HERC2: variants seen among roughly 807,000 people sequenced by gnomAD.
HERC2 encodes the protein E3 ubiquitin-protein ligase HERC2.
Under a neutral mutation model 537.7 loss-of-function variants are expected in HERC2, and 102 were observed. That is an observed-to-expected ratio of 0.19 (90% CI 0.16 to 0.22). The LOEUF is 0.22. Ranked by LOEUF, HERC2 falls within the 10% of genes least tolerant of loss-of-function variation. The pLI, the probability that HERC2 is intolerant of heterozygous loss-of-function variation, is 1.00. For missense variants in HERC2, 4,236 were observed against 6,198.2 expected, an observed-to-expected ratio of 0.68 and a Z score of 10.63; for synonymous variants, 2,224 against 2,466.2, an observed-to-expected ratio of 0.90 and a Z score of 2.91.
At chr15:28,283,911 C>G (rs1287503176) in intron 4 of HERC2, among the ~76,000 whole-genome samples, 2 of 151,996 alleles carry the variant, frequency 1.3e-5, no homozygotes, top group Non-Finnish European at 2.9e-5. Context: ...ACAAGTGTTC[C>G]AAATTTCAGA....
In HERC2 at chr15:28,284,433, T is replaced by G. The variant is rs547859384; in HGVS notation, c.323-4146A>C. On this transcript the variant is annotated intron_variant, in intron 4 of 92. Transcript: ENST00000261609. ...TTAAATTAAATGTAAACAGTCTAAA[T>G]GCATCAATTAAAAGACACCAGGAGA... 2.6e-5 allele frequency among the ~76,000 whole-genome samples: 4 copies of G among 152,088 alleles called. No individual in the cohort carries two copies. The East Asian group carries it at 7.7e-4, about 29-fold the overall frequency.
Position 28,174,539 on chromosome 15 carries a change from C to A in HERC2, c.9913G>T (p.Gly3305Cys). The A allele has an allele frequency of 6.2e-7, 1 of 1,613,998 alleles. No homozygotes were observed. Among genetic ancestry groups the A allele is most frequent in the Non-Finnish European group, 8.5e-7 (1 of 1,179,884 alleles). ...TVNRKPTLVQ[G>C]LEGQKITRVA... ...CGTGTGATCTTCTGGCCTTCTAAGC[C>A]TTGCACGAGTGTGGGCTTCCTGTTA... The change falls in exon 65 of 93, where the codon GGC becomes TGC. Residue 3305 changes from glycine to cysteine, a missense_variant. By Grantham distance (159) the Gly-to-Cys change is radical (BLOSUM62 -3). Transcript: ENST00000261609.
At chr15:28,198,539 T>C (rs2140316106) in intron 49 of HERC2, 36 bp from the exon 50 acceptor site, 1 of 1,611,100 alleles carries the variant, frequency 6.2e-7, no homozygotes, top group Non-Finnish European at 8.5e-7. Flanking sequence ...ATAATCAATA[T>C]TCATTTAAGG....
chr15:28,113,449 G>T lies in HERC2; in HGVS notation c.14019+124C>A. 9.5e-7 allele frequency: 1 copy of T among 1,055,394 alleles called. No homozygotes were observed. Among genetic ancestry groups the T allele is most frequent in the Non-Finnish European group, 1.4e-6 (1 of 702,254 alleles). 65.4% of individuals were successfully genotyped at this position (1,055,394 alleles called of 1,614,324 possible). On this transcript the variant is annotated intron_variant, in intron 91 of 92. Coordinates refer to ENST00000261609, the MANE Select transcript of HERC2 (RefSeq NM_004667.6). The surrounding 1 kb of genome is among the most constrained non-coding windows in gnomAD (Gnocchi z 7.0). ...CTCCTGCAGGCGGGTGGAGGGACGCGCTCAGAGTGCACTCCCTTCAGTCAA... is the reference window on the plus strand; with the variant it reads ...CTCCTGCAGGCGGGTGGAGGGACGCTCTCAGAGTGCACTCCCTTCAGTCAA...
intron 5 of HERC2, among the ~76,000 whole-genome samples, chr15:28,278,067 G>A (rs1473621903): frequency 6.6e-6 from 1 of 151,522 alleles, no homozygotes; most frequent in Non-Finnish European, 1.5e-5. Flanking sequence ...ACCAGCCCGG[G>A]CAACATGGCA....
chr15:28,169,063 T>C (rs1357611535), intron 66 of HERC2, among the ~76,000 whole-genome samples: 2 of 152,244 alleles, frequency 1.3e-5, no homozygotes, highest in African/African-American at 4.8e-5. Flanking sequence ...GATACATTAG[T>C]AGATGGGAAA....
chr15:28,164,330 A>G (rs1194332109), intron 68 of HERC2, among the ~76,000 whole-genome samples: 7 of 152,176 alleles, frequency 4.6e-5, no homozygotes, highest in Non-Finnish European at 1.0e-4. Flanking sequence ...GACCCTGGAA[A>G]CCACACCACT....
chr15:28,191,093 C>G (rs1310651800), intron 54 of HERC2, 37 bp from the exon 55 acceptor site: 2 of 1,593,846 alleles, frequency 1.3e-6, no homozygotes, highest in African/African-American at 2.7e-5. Context: ...ACAAAGGCGT[C>G]TTTATTATAG....
Position 28,130,552 on chromosome 15 carries a change from C to T in HERC2, c.12613G>A (p.Gly4205Arg), listed in dbSNP as rs1890000475. 3 of 1,614,040 alleles carry T rather than the reference C, an allele frequency of 1.9e-6. No homozygotes were observed. The highest frequency in any genetic ancestry group is 2.5e-6 in the Non-Finnish European group (3 of 1,179,934). The stretch of plus-strand genomic sequence containing the variant: ...GTAAGGGCAACAGAAAACTGGGATC[C>T]GCATTCCACTTTAACTACTCCAAGA... ...TGLGVVKVEC[G>R]SQFSVALTKS... The change falls in exon 82 of 93, where the codon GGA (glycine) becomes AGA (arginine). Residue 4205 changes from glycine (G) to arginine (R), a missense_variant. By Grantham distance (125) the Gly-to-Arg change is moderately radical. Transcript: ENST00000261609.
chr15:28,207,855 T>C (rs1898651439), intron 44 of HERC2, among the ~76,000 whole-genome samples: 2 of 151,956 alleles, frequency 1.3e-5, no homozygotes, highest in Non-Finnish European at 2.9e-5. Context: ...AGCTCTGCCA[T>C]TGCAGAGCAA....
chr15:28,136,400 C>A (rs8033755), intron 78 of HERC2, among the ~76,000 whole-genome samples: 128,837 of 151,954 alleles, frequency 0.85, 57,857 homozygotes, highest in Non-Finnish European at 0.99. Flanking sequence ...TGAGCCCCAC[C>A]CCCAAAGCCA....
rs781721324 is a variant in HERC2, at chr15:28,191,068, T to A, written c.8558-12A>T. The A allele has an allele frequency of 1.2e-5, 19 of 1,603,034 alleles. No individual in the cohort carries two copies. Among genetic ancestry groups the A allele is most frequent in the Non-Finnish European group, 1.6e-5 (19 of 1,170,118 alleles). On this transcript the variant is annotated splice_polypyrimidine_tract_variant and intron_variant, in intron 54 of 92. Coordinates refer to ENST00000261609, the MANE Select transcript of HERC2 (RefSeq NM_004667.6). ...CAGGGAATTTCCACCTAGGAAAAAA[T>A]GGGTAAAGAATCAAACAAAGGCGTC...
At chr15:28,117,281 C>T (rs755825307) in intron 86 of HERC2, 127 bp from the exon 87 acceptor site, 14 of 972,024 alleles carry the variant, frequency 1.4e-5, no homozygotes, top group African/African-American at 1.4e-4. Flanking sequence ...TGGTCACACA[C>T]CTGCTTGTGT....
chr15:28,316,387 C>T (rs1482151602), intron 2 of HERC2, among the ~76,000 whole-genome samples: 1 of 152,022 alleles, frequency 6.6e-6, no homozygotes, highest in African/African-American at 2.4e-5. Context: ...TACATGTAAT[C>T]ACAGCACTTT....
intron 5 of HERC2, among the ~76,000 whole-genome samples, chr15:28,279,487 G>A (rs186723990): frequency 3.9e-5 from 6 of 152,202 alleles, no homozygotes; most frequent in Non-Finnish European, 7.4e-5. Flanking sequence ...GGCTTCCACA[G>A]TTACTGACAG....
chr15:28,261,528 C>T (rs1258715090), intron 15 of HERC2, among the ~76,000 whole-genome samples: 1 of 152,078 alleles, frequency 6.6e-6, no homozygotes, highest in Non-Finnish European at 1.5e-5. Context: ...AACCACACTG[C>T]AGTAAGGGGA....
At chr15:28,186,851 G>T in intron 55 of HERC2, 99 bp from the exon 56 acceptor site, 1 of 726,942 alleles carries the variant, frequency 1.4e-6, no homozygotes, top group East Asian at 2.6e-5. Flanking sequence ...ATGTACACAC[G>T]GTTAGAGCTC....
intron 59 of HERC2, among the ~76,000 whole-genome samples, chr15:28,178,203 G>A (rs951156517): frequency 1.3e-4 from 20 of 152,286 alleles, no homozygotes; most frequent in East Asian, 3.9e-4. Context: ...AATGAGTGGG[G>A]CTTCCGAGGG....
intron 37 of HERC2, among the ~76,000 whole-genome samples, chr15:28,219,360 A>G (rs1467556174): frequency 6.6e-6 from 1 of 152,218 alleles, no homozygotes; most frequent in African/African-American, 2.4e-5. Flanking sequence ...CTGTGGGGAA[A>G]GGCCCCAGGC....
Sources: allele counts gnomAD v4.1 joint callset (sites outside exome capture counted in the v4.1 genomes callset), GRCh38; gene constraint gnomAD v4.1.1; non-coding constraint Gnocchi (gnomAD v3.1); transcripts MANE v1.5; gene names NCBI Gene and HGNC (gene_info 2026-07-23, HGNC 2026-07-21).